The following ENPEP variants were observed in gnomAD, a reference collection of about 807,000 sequenced individuals.
ENPEP encodes the protein glutamyl aminopeptidase, also known as AP-A.
A neutral mutation model predicts 114.5 loss-of-function variants in ENPEP; 103 were observed. The observed-to-expected ratio is 0.90, with a 90% confidence interval of 0.77 to 1.06. The LOEUF (loss-of-function observed/expected upper bound fraction) is 1.06, where lower values mean the gene tolerates loss of function less well. Among genes scored for constraint, ENPEP ranks in the 50% least tolerant of loss-of-function variants. The pLI, the probability that ENPEP is intolerant of heterozygous loss-of-function variation, is 0.00. For missense variants in ENPEP, 1,196 were observed against 1,161.3 expected, an observed-to-expected ratio of 1.03 and a Z score of -0.43; for synonymous variants, 420 against 422.0, an observed-to-expected ratio of 1.00 and a Z score of 0.06.
chr4:110,518,360 T>C (rs1449441912), intron 8 of ENPEP, among the ~76,000 whole-genome samples: 2 of 152,206 alleles, frequency 1.3e-5, no homozygotes, highest in Admixed American at 6.5e-5. Context: ...GTCTTTTCCC[T>C]TCTTGGGATA....
chr4:110,545,904 C>G (rs1240225452), intron 13 of ENPEP, among the ~76,000 whole-genome samples: 1 of 151,946 alleles, frequency 6.6e-6, no homozygotes, highest in Non-Finnish European at 1.5e-5. Context: ...AGAGCAGCAG[C>G]CAAATAGCCT....
chr4:110,520,396 A>G, intron 10 of ENPEP, 30 bp downstream of exon 10: 1 of 1,609,984 alleles, frequency 6.2e-7, no homozygotes, highest in Non-Finnish European at 8.5e-7. Flanking sequence ...TGAAAAAAAC[A>G]CAGAAATTTG....
intron 17 of ENPEP, among the ~76,000 whole-genome samples, chr4:110,551,945 C>T (rs911082924): frequency 1.3e-5 from 2 of 152,092 alleles, no homozygotes; most frequent in African/African-American, 4.8e-5. Flanking sequence ...GCTGAGTTTT[C>T]ATTGATCATA....
intron 10 of ENPEP, among the ~76,000 whole-genome samples, chr4:110,525,722 A>T (rs1442041132): frequency 1.3e-5 from 2 of 152,248 alleles, no homozygotes; most frequent in African/African-American, 4.8e-5. Context: ...TAGGTTGGCC[A>T]ACTCTAATAA....
chr4:110,533,173 C>A, intron 11 of ENPEP: 3 of 388,770 alleles, frequency 7.7e-6, no homozygotes, highest in South Asian at 1.9e-5. Flanking sequence ...TACCCTAGTA[C>A]AATTCACCCA....
chr4:110,556,425 G>A lies in ENPEP; in HGVS notation c.2642+2970G>A, dbSNP rs570911192. Among the ~76,000 whole-genome samples, 4 of 152,036 alleles carry A rather than the reference G, an allele frequency of 2.6e-5. No individual in the cohort carries two copies. The East Asian group carries it at 7.7e-4, about 29-fold the overall frequency. On this transcript the variant is annotated intron_variant, in intron 18 of 19. Coordinates refer to ENST00000265162, the MANE Select transcript of ENPEP (RefSeq NM_001977.4). The stretch of plus-strand genomic sequence containing the variant: ...TCCTATATTGTGGGTGTCTTTTCAT[G>A]TCTTTAAGTGTGCATCTTCAATATT...
chr4:110,559,964 C>T (rs539271920), intron 19 of ENPEP, among the ~76,000 whole-genome samples: 1 of 152,226 alleles, frequency 6.6e-6, no homozygotes, highest in Admixed American at 6.5e-5. Flanking sequence ...CCCTGACAGG[C>T]CCTGGTGTGT....
chr4:110,492,891 G>A (rs1287769756), intron 3 of ENPEP, among the ~76,000 whole-genome samples: 3 of 152,136 alleles, frequency 2.0e-5, no homozygotes, highest in Non-Finnish European at 4.4e-5. Context: ...CTTTCATCAT[G>A]TGCAGGTGTT....
chr4:110,553,359 A>T lies in ENPEP; in HGVS notation c.2546A>T (p.Asp849Val). 1.9e-6 allele frequency: 3 copies of T among 1,607,804 alleles called. No individual in the cohort carries two copies. The highest frequency in any genetic ancestry group is 2.6e-6 in the Non-Finnish European group (3 of 1,175,928). ...GACACGAACCTTATTAAAACTCAGG[A>T]TGTGTTTACAGTCATTCGATATATC... Reference protein sequence around the residue: ...LKDTNLIKTQDVFTVIRYISY... With the variant: ...LKDTNLIKTQVVFTVIRYISY... Residue 849 changes from aspartate to valine, a missense_variant, in exon 18 of 20, where the codon GAT (aspartate) becomes GTT (valine). Transcript: ENST00000265162.
chr4:110,560,730 A>T (rs1317975943), intron 19 of ENPEP, among the ~76,000 whole-genome samples: 1 of 152,200 alleles, frequency 6.6e-6, no homozygotes, highest in African/African-American at 2.4e-5. Context: ...TTTCAAAACT[A>T]ATCTCAAATC....
At chr4:110,484,097 G>C (rs568433761) in intron 1 of ENPEP, among the ~76,000 whole-genome samples, 1 of 152,276 alleles carries the variant, frequency 6.6e-6, no homozygotes, top group South Asian at 2.1e-4. Flanking sequence ...AAATATTTCA[G>C]ATTGTGAAAG....
At chr4:110,506,901 G>A in intron 4 of ENPEP, 144 bp downstream of exon 4, 1 of 795,934 alleles carries the variant, frequency 1.3e-6, no homozygotes, top group Non-Finnish European at 1.9e-6. Flanking sequence ...TTGGGCTCAA[G>A]TAAGCCTCCT....
At chr4:110,526,906 TG>T (rs542753039) in intron 10 of ENPEP, among the ~76,000 whole-genome samples, 23 of 152,204 alleles carry the variant, frequency 1.5e-4, no homozygotes, top group Non-Finnish European at 2.9e-4. Flanking sequence ...AAGAACAATG[TG>T]GAAGGAATTC....
At chr4:110,560,061 G>T (rs1026702817) in intron 19 of ENPEP, among the ~76,000 whole-genome samples, 1 of 152,120 alleles carries the variant, frequency 6.6e-6, no homozygotes. Flanking sequence ...TTCTGTTCCT[G>T]TATTAGTTTG....
chr4:110,520,349 G>A lies in ENPEP; in HGVS notation c.1710G>A (p.Gln570=), dbSNP rs1026814191. Residue 570 remains glutamine, a synonymous_variant, in exon 10 of 20, where the codon CAG becomes CAA. Transcript: ENST00000265162. ...TGGACCCAAGAGCTAACCCTTCTCA[G>A]CCCCCTTCAGATCTTGGGTAAGGCT... The part of the protein sequence containing the change: ...FLLDPRANPS[Q]PPSDLGYTWN... 6.2e-7 allele frequency: 1 copy of A among 1,613,804 alleles called. No homozygotes were observed. Among genetic ancestry groups the A allele is most frequent in the Admixed American group, 1.7e-5 (1 of 59,974 alleles).
At position 110,562,242 on chromosome 4, in the gene ENPEP, G is replaced by A. The variant is rs1727705331; in HGVS notation, c.*684G>A. 1 of 152,056 alleles carries A rather than the reference G, an allele frequency of 6.6e-6. No homozygotes were observed. The highest frequency in any genetic ancestry group is 1.5e-5 in the Non-Finnish European group (1 of 67,980). 9.4% of individuals were successfully genotyped at this position (152,056 alleles called of 1,614,324 possible). ...TGTTTTCCAGTGTCACTTGACTCTT[G>A]AATAAAAATAACTGCAGTGTTCCCC... On this transcript the variant is annotated 3_prime_UTR_variant, in exon 20 of 20. Transcript: ENST00000265162.
At chr4:110,493,941 A>C (rs531993836) in intron 3 of ENPEP, among the ~76,000 whole-genome samples, 1 of 152,348 alleles carries the variant, frequency 6.6e-6, no homozygotes, top group Non-Finnish European at 1.5e-5. Flanking sequence ...TAAAAGAAAA[A>C]CATCCAAGAC....
chr4:110,484,974 T>C (rs1341983935), intron 1 of ENPEP, among the ~76,000 whole-genome samples: 1 of 152,040 alleles, frequency 6.6e-6, no homozygotes, highest in Non-Finnish European at 1.5e-5. Flanking sequence ...AGCTGGCCTA[T>C]TTCTGAGGTG....
chr4:110,493,964 C>T lies in ENPEP; in HGVS notation c.918+2800C>T, dbSNP rs189321240. Among the ~76,000 whole-genome samples, 56 of 152,162 alleles carry T rather than the reference C, an allele frequency of 3.7e-4. 1 individual carries two copies. The South Asian group carries it at 6.4e-3, about 18-fold the overall frequency. On this transcript the variant is annotated intron_variant, in intron 3 of 19. Transcript: ENST00000265162. ...AAACATCCAAGACAAATAGAAACAC[C>T]GTGGGAGTAAATAGTGATAACTGGA...
Sources: gnomAD v4.1 joint callset for allele counts (sites outside exome capture counted in the v4.1 genomes callset) on GRCh38, gnomAD v4.1.1 for gene constraint, MANE v1.5 for transcripts, NCBI Gene and HGNC (gene_info 2026-07-23, HGNC 2026-07-21) for gene names.